Variants in TNXB observed in about 807,000 individuals in gnomAD.
The protein encoded by TNXB is tenascin-X.
In TNXB, 183 loss-of-function variants were observed where a neutral mutation model predicts 340.5. The ratio of observed to expected loss-of-function variants is 0.54; its 90% CI spans 0.48 to 0.61. The LOEUF is 0.61. TNXB is among the 20% of genes least tolerant of loss of function. The pLI, the probability that TNXB is intolerant of heterozygous loss-of-function variation, is 0.00. For synonymous variants in TNXB, 2,121 were observed against 2,314.5 expected, an observed-to-expected ratio of 0.92 and a Z score of 2.40; for missense variants, 4,613 against 5,446.4, an observed-to-expected ratio of 0.85 and a Z score of 4.82.
intron 1 of TNXB, among the ~76,000 whole-genome samples, chr6:32,104,819 C>G (rs1780899092): frequency 6.6e-6 from 1 of 151,794 alleles, no homozygotes; most frequent in South Asian, 2.1e-4. Flanking sequence ...ATTTTTTTTG[C>G]AAAGACAGGA....
chr6:32,055,184 A>G (rs1015481021), intron 24 of TNXB, among the ~76,000 whole-genome samples: 2 of 152,122 alleles, frequency 1.3e-5, no homozygotes, highest in African/African-American at 4.8e-5. Flanking sequence ...TGCTTCCTTA[A>G]ATGCTTTCCT....
chr6:32,089,383 TGA>T lies in TNXB; in HGVS notation c.2359-6_2359-5del, dbSNP rs761190884. On this transcript the variant is annotated splice_polypyrimidine_tract_variant and splice_region_variant and intron_variant, in intron 4 of 43. Coordinates refer to ENST00000644971, the MANE Select transcript of TNXB (RefSeq NM_001365276.2). This position sits in a 1 kb window ranked among gnomAD's most constrained non-coding sequence, Gnocchi z 6.2. ...ATGGGGGGCTCGCCCCCTCTGTCTG[TGA>T]GAGAGAGCACCAGGTGGCTCAGGGG... 3.7e-6 allele frequency: 6 copies of T among 1,603,474 alleles called. No homozygotes were observed. The South Asian group carries it at 4.5e-5, about 12-fold the overall frequency.
At chr6:32,099,726 GAA>G (rs72548029) in intron 1 of TNXB, among the ~76,000 whole-genome samples, 1 of 126,754 alleles carries the variant, frequency 7.9e-6, no homozygotes, top group Non-Finnish European at 1.7e-5. Flanking sequence ...ATCTCCAATT[GAA>G]AAAAAAAAAA....
chr6:32,049,611 A>T lies in TNXB; in HGVS notation c.9440-24T>A, dbSNP rs1229961444. On this transcript the variant is annotated intron_variant, in intron 27 of 43. Transcript: ENST00000644971. The surrounding 1 kb of genome is among the most constrained non-coding windows in gnomAD (Gnocchi z 4.5). ...CTCTGCAGTGGAGAAGGAGGGAGAG[A>T]GAGTGAGGGGGATGTCCTTGGGTCC... The T allele has an allele frequency of 1.2e-6, 2 of 1,601,290 alleles. No individual in the cohort carries two copies. Among genetic ancestry groups the T allele is most frequent in the Admixed American group, 3.4e-5 (2 of 59,476 alleles).
rs994209590 is a variant in TNXB, at chr6:32,092,702, A to T, written c.2358+2374T>A. 4.7e-5 allele frequency among the ~76,000 whole-genome samples: 7 copies of T among 150,488 alleles called. No homozygotes were observed. In the East Asian group the frequency reaches 9.6e-4, roughly 21 times the overall value. ...CAAAACTCTGTCTCAAAAAAAAAAA[A>T]AAAGAAAGAAAGAAAAGAAAAGAAA... is the stretch of plus-strand genomic sequence containing the variant. On this transcript the variant is annotated intron_variant, in intron 4 of 43. Coordinates refer to ENST00000644971, the MANE Select transcript of TNXB (RefSeq NM_001365276.2).
Position 32,068,963 on chromosome 6 carries a change from G to C in TNXB, c.5761C>G (p.Gln1921Glu). ...FEIQYTDRDG[Q>E]LQMVRIGGDR... is the part of the protein sequence containing the mutation. ...CCTCCTATGCGGACCATTTGGAGTT[G>C]CCCGTCTCTATCTGTGTACTGGATT... is the stretch of plus-strand genomic sequence containing the variant. The change falls in exon 16 of 44, where the codon CAA (glutamine) becomes GAA (glutamate). Residue 1921 changes from glutamine (Q) to glutamate (E), a missense_variant. Around this residue, in one of 7 missense-constraint regions of TNXB, gnomAD observed 4,327 missense variants for 4,859.4 expected, o/e 0.89. Transcript: ENST00000644971. The surrounding 1 kb of genome is among the most constrained non-coding windows in gnomAD (Gnocchi z 5.3). The C allele has an allele frequency of 1.2e-6, 2 of 1,612,918 alleles. No homozygotes were observed. The highest frequency in any genetic ancestry group is 2.7e-5 in the African/African-American group (2 of 75,058).
chr6:32,053,184 G>C (rs34562262), intron 25 of TNXB, among the ~76,000 whole-genome samples, 191 bp from the exon 26 acceptor site: 3,550 of 152,200 alleles, frequency 0.023, 73 homozygotes, highest in Non-Finnish European at 0.04. Flanking sequence ...GTCAGTGCTG[G>C]GGAACTTGGG....
Position 32,108,761 on chromosome 6 carries a change from G to C in TNXB, c.-9+420C>G, listed in dbSNP as rs1280885095. ...TAGCCCGACATTTGGGATTCCGCAAGCACTTTCCTTCCAAGGTTCAGCTGG... is the reference window on the plus strand; with the variant it reads ...TAGCCCGACATTTGGGATTCCGCAACCACTTTCCTTCCAAGGTTCAGCTGG... On this transcript the variant is annotated intron_variant, in intron 1 of 43. Transcript: ENST00000644971. This position sits in a 1 kb window ranked among gnomAD's most constrained non-coding sequence, Gnocchi z 4.8. Among the ~76,000 whole-genome samples, 1 of 152,144 alleles carries C rather than the reference G, an allele frequency of 6.6e-6. No homozygotes were observed. The highest frequency in any genetic ancestry group is 6.5e-5 in the Admixed American group (1 of 15,278).
intron 1 of TNXB, among the ~76,000 whole-genome samples, chr6:32,105,833 T>C (rs1780950623): frequency 6.6e-6 from 1 of 152,214 alleles, no homozygotes; most frequent in Non-Finnish European, 1.5e-5. Context: ...CTCCTAGGAA[T>C]ATACCCAACA....
At chr6:32,086,950 C>T (rs1779812060) in intron 6 of TNXB, among the ~76,000 whole-genome samples, 1 of 152,178 alleles carries the variant, frequency 6.6e-6, no homozygotes, top group African/African-American at 2.4e-5. Context: ...GTGCCCCAAC[C>T]ACATCACCCT....
chr6:32,043,832 A>T lies in TNXB; in HGVS notation c.11447T>A (p.Ile3816Asn), dbSNP rs550355338. 3.1e-6 allele frequency: 5 copies of T among 1,613,626 alleles called. No individual in the cohort carries two copies. The African/African-American group carries it at 6.7e-5, about 22-fold the overall frequency. Reference protein sequence around the residue: ...QARTQKLQGLIPGARYEVTVV... With the variant: ...QARTQKLQGLNPGARYEVTVV... The stretch of plus-strand genomic sequence containing the variant: ...GGTCACCTCATAGCGAGCGCCTGGG[A>T]TCAGCCCCTGGAGTTTCTGGGTCCG... Residue 3816 changes from isoleucine (I) to asparagine (N), a missense_variant, in exon 35 of 44, where the codon ATC (isoleucine) becomes AAC (asparagine). Coordinates refer to ENST00000644971, the MANE Select transcript of TNXB (RefSeq NM_001365276.2).
intron 33 of TNXB, 90 bp downstream of exon 33, chr6:32,044,291 C>T (rs549346253): frequency 2.0e-5 from 10 of 500,758 alleles, no homozygotes; most frequent in African/African-American, 1.8e-4. Context: ...ACCACCAACT[C>T]GCCCACCCCC....
intron 1 of TNXB, among the ~76,000 whole-genome samples, chr6:32,105,390 A>G (rs964979035): frequency 4.6e-5 from 7 of 152,200 alleles, no homozygotes; most frequent in Admixed American, 2.0e-4. Context: ...TATTTTTTTG[A>G]AGTCCAAAGT....
In TNXB at chr6:32,067,096, T is replaced by G. The variant is rs28732168; in HGVS notation, c.6544+565A>C. ...GTCTAAAAAGAAAGAAAGAAAAGAA[T>G]GAAAGAAAGAAAGAAAGAGAAAGAA... is the stretch of plus-strand genomic sequence containing the variant. On this transcript the variant is annotated intron_variant, in intron 18 of 43. Transcript: ENST00000644971. The surrounding 1 kb of genome is among the most constrained non-coding windows in gnomAD (Gnocchi z 4.2). Among the ~76,000 whole-genome samples the G allele has an allele frequency of 4.8e-5, 1 of 20,720 alleles. No individual in the cohort carries two copies. The highest frequency in any genetic ancestry group is 1.2e-4 in the Non-Finnish European group (1 of 8,246). The allele number at this position is 20,720 out of a possible 152,430, so 13.6% of individuals were successfully genotyped here.
chr6:32,096,621 C>T lies in TNXB; in HGVS notation c.1232G>A (p.Arg411Lys), dbSNP rs1280981393. The T allele has an allele frequency of 2.6e-6, 4 of 1,559,704 alleles. No homozygotes were observed. The South Asian group carries it at 3.5e-5, about 14-fold the overall frequency. ...GCAGCGGCCGTCCTCGCAGCGGCCC[C>T]TTTGGTTGCAGTCGCCAGGGCAGCT... ...VRSCPGDCNQ[R>K]GRCEDGRCVC... The change falls in exon 3 of 44, where the codon AGG (arginine) becomes AAG (lysine). Residue 411 changes from arginine to lysine, a missense_variant. Coordinates refer to ENST00000644971, the MANE Select transcript of TNXB (RefSeq NM_001365276.2).
Position 32,048,577 on chromosome 6 carries a change from T to G in TNXB, c.9831A>C (p.Ser3277=). The G allele has an allele frequency of 2.2e-5, 34 of 1,520,472 alleles. No individual in the cohort carries two copies. The highest frequency in any genetic ancestry group is 1.9e-4 in the Admixed American group (10 of 52,316). The allele number at this position is 1,520,472 out of a possible 1,614,324, so 94.2% of individuals were successfully genotyped here. The change falls in exon 29 of 44, where the codon TCA becomes TCC. Residue 3277 remains serine (S), a synonymous_variant. Coordinates refer to ENST00000644971, the MANE Select transcript of TNXB (RefSeq NM_001365276.2). ...GGGCCACCGTCCATGAGAGGCCCACTGAGTCCGAGGTCACGGCCGCCACCG... is the reference window on the plus strand; with the variant it reads ...GGGCCACCGTCCATGAGAGGCCCACGGAGTCCGAGGTCACGGCCGCCACCG... ...ELAVAAVTSD[S]VGLSWTVAQG... is the part of the protein sequence containing the mutation.
At position 32,096,142 on chromosome 6, in the gene TNXB, C is replaced by A. The variant is rs1203827421; in HGVS notation, c.1711G>T (p.Asp571Tyr). The A allele has an allele frequency of 1.3e-6, 2 of 1,596,712 alleles. No individual in the cohort carries two copies. The highest frequency in any genetic ancestry group is 1.7e-4 in the Middle Eastern group (1 of 6,046). The change falls in exon 3 of 44, where the codon GAT (aspartate) becomes TAT (tyrosine). Residue 571 changes from aspartate (D) to tyrosine (Y), a missense_variant. By Grantham distance (160) the Asp-to-Tyr change is radical. Coordinates refer to ENST00000644971, the MANE Select transcript of TNXB (RefSeq NM_001365276.2). ...CCGTCCTCGCACACACACCGCCCAT[C>A]TAGGCACTGGCCGCGGCCTCGGCAG... is the stretch of plus-strand genomic sequence containing the variant. ...GGCRGRGQCL[D>Y]GRCVCEDGYS... is the part of the protein sequence containing the mutation.
Position 32,079,408 on chromosome 6 carries a change from G to A in TNXB, c.4043-43C>T, listed in dbSNP as rs1301318365. On this transcript the variant is annotated intron_variant, in intron 10 of 43. Coordinates refer to ENST00000644971, the MANE Select transcript of TNXB (RefSeq NM_001365276.2). The surrounding 1 kb of genome is among the most constrained non-coding windows in gnomAD (Gnocchi z 7.1). Reference sequence around the variant, plus strand: ...GGCATAAAGGGCTGCTGGCTTTGCTGCTGCTGCCCACAGATGACAGCCATG... The same window carrying A: ...GGCATAAAGGGCTGCTGGCTTTGCTACTGCTGCCCACAGATGACAGCCATG... The A allele has an allele frequency of 3.4e-6, 5 of 1,481,804 alleles. No homozygotes were observed. The highest frequency in any genetic ancestry group is 1.3e-5 in the South Asian group (1 of 78,784). 91.8% of individuals were successfully genotyped at this position (1,481,804 alleles called of 1,614,324 possible). A position where few individuals can be genotyped will look rare whatever the true frequency, so the allele number is the denominator to read the frequency against.
chr6:32,076,254 A>G (rs1336857763), intron 11 of TNXB, among the ~76,000 whole-genome samples: 5 of 152,098 alleles, frequency 3.3e-5, no homozygotes, highest in African/African-American at 7.2e-5. Flanking sequence ...ATAACGATTC[A>G]TGACTCTGGC....
Sources: gnomAD v4.1 joint callset for allele counts (sites outside exome capture counted in the v4.1 genomes callset) on GRCh38, gnomAD v4.1.1 for gene constraint, gnomAD v4.1.1 regional missense constraint, Gnocchi (gnomAD v3.1) non-coding constraint, MANE v1.5 for transcripts, NCBI Gene and HGNC (gene_info 2026-07-23, HGNC 2026-07-21) for gene names.